MLIP: variants seen among roughly 807,000 people sequenced by gnomAD.
MLIP encodes the protein muscular LMNA interacting protein.
MLIP carries 79 observed loss-of-function variants against 84.8 expected under a neutral mutation model. The observed-to-expected ratio is 0.93, with a 90% CI of 0.78 to 1.12. The LOEUF is 1.12. Among genes scored for constraint, MLIP ranks in the 50% most tolerant of loss-of-function variants. The pLI, the probability that MLIP is intolerant of heterozygous loss-of-function variation, is 0.00. For synonymous variants in MLIP, 504 were observed against 463.0 expected, an observed-to-expected ratio of 1.09 and a Z score of -1.14; for missense variants, 1,257 against 1,160.6, an observed-to-expected ratio of 1.08 and a Z score of -1.21.
chr6:54,028,772 A>G (rs1033025084), intron 1 of MLIP: 2 of 152,196 alleles, frequency 1.3e-5, no homozygotes, highest in African/African-American at 2.4e-5. Flanking sequence ...GAGGCTTTCA[A>G]TGAATCTCCT....
chr6:54,130,039 G>A (rs1474082158), intron 3 of MLIP, among the ~76,000 whole-genome samples: 1 of 152,080 alleles, frequency 6.6e-6, no homozygotes, highest in Non-Finnish European at 1.5e-5. Flanking sequence ...TGCTTAGGGT[G>A]AGTACATGAT....
At chr6:54,072,681 A>AAG (rs1234689185) in intron 1 of MLIP, among the ~76,000 whole-genome samples, 16 of 152,210 alleles carry the variant, frequency 1.1e-4, no homozygotes, top group Admixed American at 5.9e-4. Flanking sequence ...GCTTACTGTG[A>AAG]TTTACAATGA....
chr6:54,255,690 T>C (rs1782960406), intron 12 of MLIP, among the ~76,000 whole-genome samples: 1 of 152,210 alleles, frequency 6.6e-6, no homozygotes, highest in Admixed American at 6.5e-5. Context: ...ATACCTGTAT[T>C]AGAAAGGAAG....
chr6:54,237,290 G>A (rs1369500214), intron 12 of MLIP, among the ~76,000 whole-genome samples: 1 of 151,832 alleles, frequency 6.6e-6, no homozygotes, highest in African/African-American at 2.4e-5. Context: ...CTGAGGGGTG[G>A]AGGAGGGAAA....
chr6:54,124,524 G>T lies in MLIP; in HGVS notation c.304G>T (p.Asp102Tyr), dbSNP rs1770736679. 6.2e-7 allele frequency: 1 copy of T among 1,614,164 alleles called. No homozygotes were observed. Among genetic ancestry groups the T allele is most frequent in the Non-Finnish European group, 8.5e-7 (1 of 1,180,008 alleles). Residue 102 changes from aspartate (D) to tyrosine (Y), a missense_variant, in exon 3 of 14, where the codon GAC (aspartate) becomes TAC (tyrosine). By Grantham distance (160) the Asp-to-Tyr change is radical. Coordinates refer to ENST00000502396, the MANE Select transcript of MLIP (RefSeq NM_001281747.2). ...TLNAGSQQERDQAKLTCPSEV... is the reference protein window; with the variant it reads ...TLNAGSQQERYQAKLTCPSEV... Reference sequence around the variant, plus strand: ...GAATGCTGGGAGCCAACAAGAGAGAGACCAAGCGAAATTGACTTGTCCTTC... The same window carrying T: ...GAATGCTGGGAGCCAACAAGAGAGATACCAAGCGAAATTGACTTGTCCTTC...
At chr6:54,090,541 A>G (rs938131018) in intron 1 of MLIP, among the ~76,000 whole-genome samples, 1 of 152,104 alleles carries the variant, frequency 6.6e-6, no homozygotes, top group African/African-American at 2.4e-5. Flanking sequence ...CAAGACAGTC[A>G]TTTTGACTCG....
chr6:54,029,046 C>T (rs949283993), intron 1 of MLIP: 3 of 152,036 alleles, frequency 2.0e-5, no homozygotes, highest in Admixed American at 1.3e-4. Flanking sequence ...TTAATAGTGT[C>T]CAGAGAAGAA....
chr6:54,193,158 G>A (rs1778063199), intron 10 of MLIP, among the ~76,000 whole-genome samples: 1 of 152,160 alleles, frequency 6.6e-6, no homozygotes, highest in African/African-American at 2.4e-5. Context: ...CTGTTTTGGA[G>A]GTTCATGTGA....
intron 9 of MLIP, among the ~76,000 whole-genome samples, chr6:54,174,140 G>A (rs534837067): frequency 2.7e-4 from 41 of 152,030 alleles, no homozygotes; most frequent in African/African-American, 9.6e-4. Context: ...TTCATCTATT[G>A]AAGGACACTT....
chr6:54,213,466 C>A (rs1326435790), intron 11 of MLIP, among the ~76,000 whole-genome samples: 1 of 152,008 alleles, frequency 6.6e-6, no homozygotes, highest in African/African-American at 2.4e-5. Context: ...CTTTGGGAGG[C>A]CAAGGCAGGC....
intron 12 of MLIP, among the ~76,000 whole-genome samples, chr6:54,251,097 A>G (rs973472409): frequency 2.0e-5 from 3 of 152,036 alleles, no homozygotes; most frequent in African/African-American, 7.2e-5. Flanking sequence ...TATGTGGTAA[A>G]TGATCTAACT....
At chr6:54,039,203 G>C (rs1253594516) in intron 1 of MLIP, among the ~76,000 whole-genome samples, 1 of 151,968 alleles carries the variant, frequency 6.6e-6, no homozygotes, top group African/African-American at 2.4e-5. Flanking sequence ...AAGTTTAAGT[G>C]ATTTAAGTTT....
intron 4 of MLIP, among the ~76,000 whole-genome samples, chr6:54,141,206 G>T (rs1404912042): frequency 6.6e-6 from 1 of 151,800 alleles, no homozygotes; most frequent in African/African-American, 2.4e-5. Context: ...GCATTTGTGT[G>T]ATATAATTGC....
intron 11 of MLIP, chr6:54,216,829 T>A: frequency 1.0e-6 from 1 of 985,376 alleles, no homozygotes; most frequent in South Asian, 4.7e-5. Context: ...CTTAGTGAAA[T>A]GTAGATAATC....
chr6:54,184,133 G>A (rs1192892231), intron 9 of MLIP, among the ~76,000 whole-genome samples: 8 of 152,070 alleles, frequency 5.3e-5, no homozygotes, highest in African/African-American at 9.7e-5. Context: ...TCAGTCTTGA[G>A]GGGGAGAAAT....
intron 1 of MLIP, among the ~76,000 whole-genome samples, chr6:54,100,376 A>C (rs1236754461): frequency 2.6e-5 from 4 of 152,012 alleles, no homozygotes; most frequent in African/African-American, 9.7e-5. Context: ...TATATAATGT[A>C]TTATTTTAGT....
At chr6:54,186,080 TG>T (rs1343916657) in intron 9 of MLIP, among the ~76,000 whole-genome samples, 62 of 152,314 alleles carry the variant, frequency 4.1e-4, no homozygotes, top group African/African-American at 1.3e-3. Flanking sequence ...TTAGACACTG[TG>T]TACAAAGGAC....
chr6:54,236,976 G>A (rs952161901), intron 12 of MLIP, among the ~76,000 whole-genome samples: 1 of 152,058 alleles, frequency 6.6e-6, no homozygotes, highest in African/African-American at 2.4e-5. Flanking sequence ...AGGAGAAATG[G>A]TTTAGTATTC....
At chr6:54,116,531 T>C (rs1301428942) in intron 1 of MLIP, among the ~76,000 whole-genome samples, 2 of 152,272 alleles carry the variant, frequency 1.3e-5, no homozygotes, top group Admixed American at 6.5e-5. Context: ...ATACAACCTA[T>C]TGAGAATGAA....
Sources: allele counts gnomAD v4.1 joint callset (sites outside exome capture counted in the v4.1 genomes callset), GRCh38; gene constraint gnomAD v4.1.1; transcripts MANE v1.5; gene names NCBI Gene and HGNC (gene_info 2026-07-23, HGNC 2026-07-21).